APBA1: variants seen among roughly 807,000 people sequenced by gnomAD.
APBA1 encodes the protein amyloid beta precursor protein binding family A member 1.
In APBA1, 55 loss-of-function variants were observed where a neutral mutation model predicts 86.6. The ratio of observed to expected loss-of-function variants is 0.64; its 90% confidence interval spans 0.51 to 0.80. APBA1 has a LOEUF of 0.80. APBA1 is among the 30% of genes least tolerant of loss of function. The pLI, the probability that APBA1 is intolerant of heterozygous loss-of-function variation, is 0.00. For missense variants in APBA1, 1,090 were observed against 1,183.0 expected (o/e 0.92, Z 1.15); for synonymous variants, 511 against 493.9 (o/e 1.03, Z -0.46).
At chr9:69,648,594 C>T (rs1333204519) in intron 1 of APBA1, among the ~76,000 whole-genome samples, 1 of 152,084 alleles carries the variant, frequency 6.6e-6, no homozygotes, top group Non-Finnish European at 1.5e-5. Flanking sequence ...GAGCACAGAC[C>T]ACCCAGCTAT....
rs559303909 is a variant in APBA1 at position 69,658,332 on chromosome 9, T to C, written c.-70+13821A>G. Among the ~76,000 whole-genome samples the C allele has an allele frequency of 1.2e-3, 168 of 137,050 alleles. 1 individual carries two copies. The highest frequency in any genetic ancestry group is 3.4e-3 in the African/African-American group (129 of 37,920). 89.9% of individuals were successfully genotyped at this position (137,050 alleles called of 152,430 possible). A position where few individuals can be genotyped will look rare whatever the true frequency, so the allele number is the denominator to read the frequency against. ...TTTCTTTCTTTCTTTCTTTCTTTCT[T>C]TCTTTCTTTCTTTCTTTCTTTCTTT... On this transcript the variant is annotated intron_variant, in intron 1 of 12. Coordinates refer to ENST00000265381, the MANE Select transcript of APBA1 (RefSeq NM_001163.4).
chr9:69,555,012 G>A (rs754862754), intron 1 of APBA1, among the ~76,000 whole-genome samples: 4 of 152,114 alleles, frequency 2.6e-5, no homozygotes, highest in East Asian at 1.9e-4. Flanking sequence ...CCTACGTCCC[G>A]CACGTGTTCT....
At chr9:69,651,214 A>G (rs1261123567) in intron 1 of APBA1, among the ~76,000 whole-genome samples, 1 of 152,196 alleles carries the variant, frequency 6.6e-6, no homozygotes, top group Non-Finnish European at 1.5e-5. Flanking sequence ...ATCATCAAAA[A>G]TGATCAATAA....
intron 1 of APBA1, among the ~76,000 whole-genome samples, chr9:69,535,128 AG>A (rs1452854616): frequency 1.3e-5 from 2 of 152,122 alleles, no homozygotes; most frequent in East Asian, 3.9e-4. Flanking sequence ...CTTTTTTCAT[AG>A]GTTGATTTGA....
intron 1 of APBA1, among the ~76,000 whole-genome samples, chr9:69,521,001 G>A (rs1048518122): frequency 3.9e-5 from 6 of 152,194 alleles, no homozygotes; most frequent in African/African-American, 1.4e-4. Flanking sequence ...CTAGGGCACA[G>A]TATAAATGCT....
At chr9:69,469,887 G>T (rs1245019422) in intron 4 of APBA1, among the ~76,000 whole-genome samples, 1 of 152,158 alleles carries the variant, frequency 6.6e-6, no homozygotes, top group Non-Finnish European at 1.5e-5. Context: ...ACTTTTAAAA[G>T]TCTTCCATCT....
chr9:69,512,762 T>G (rs7031105), intron 2 of APBA1, among the ~76,000 whole-genome samples: 1 of 151,938 alleles, frequency 6.6e-6, no homozygotes, highest in Admixed American at 6.5e-5. Flanking sequence ...TAAAATAAAA[T>G]GAAACAACCA....
intron 1 of APBA1, among the ~76,000 whole-genome samples, chr9:69,564,441 A>G (rs1467267159): frequency 6.6e-6 from 1 of 152,216 alleles, no homozygotes; most frequent in Non-Finnish European, 1.5e-5. Context: ...GCATTTCAAT[A>G]AGGTAGGCTG....
intron 1 of APBA1, among the ~76,000 whole-genome samples, chr9:69,628,394 T>C (rs965779125): frequency 9.8e-5 from 15 of 152,302 alleles, no homozygotes; most frequent in African/African-American, 3.1e-4. Context: ...TGATGTGTTA[T>C]GCAGAAATAG....
chr9:69,439,655 T>C (rs1834772647), intron 11 of APBA1, among the ~76,000 whole-genome samples: 1 of 152,256 alleles, frequency 6.6e-6, no homozygotes, highest in Non-Finnish European at 1.5e-5. Flanking sequence ...AGGACTTCTC[T>C]GCATTGGTTA....
At chr9:69,497,745 C>A (rs941617230) in intron 2 of APBA1, among the ~76,000 whole-genome samples, 3 of 152,106 alleles carry the variant, frequency 2.0e-5, no homozygotes, top group Admixed American at 2.0e-4. Context: ...TCTGACATAG[C>A]CCCCTGCACC....
rs551619552 is a variant in APBA1 at position 69,482,639 on chromosome 9, C to G, written c.1201-6496G>C. ...CATTACTGGGTATATACCCAAAGGA[C>G]TATAAATCATGCTGCTATAAAGACA... On this transcript the variant is annotated intron_variant, in intron 2 of 12. Transcript: ENST00000265381. Among the ~76,000 whole-genome samples, 20 of 151,442 alleles carry G rather than the reference C, an allele frequency of 1.3e-4. 1 individual carries two copies. The highest frequency in any genetic ancestry group is 4.6e-4 in the African/African-American group (19 of 41,262).
intron 10 of APBA1, among the ~76,000 whole-genome samples, chr9:69,442,447 C>A (rs1025135339): frequency 1.3e-5 from 2 of 151,988 alleles, no homozygotes; most frequent in Non-Finnish European, 2.9e-5. Context: ...CCCAGGCCCA[C>A]TACTCCAAAG....
At chr9:69,495,882 C>T (rs1208498413) in intron 2 of APBA1, among the ~76,000 whole-genome samples, 3 of 152,028 alleles carry the variant, frequency 2.0e-5, no homozygotes, top group African/African-American at 4.8e-5. Context: ...CAGCTAGGGG[C>T]CGCACCTCTA....
At chr9:69,588,867 A>G (rs1822073053) in intron 1 of APBA1, among the ~76,000 whole-genome samples, 1 of 152,220 alleles carries the variant, frequency 6.6e-6, no homozygotes, top group South Asian at 2.1e-4. Context: ...CAAGGCTACT[A>G]AGTAAATAAG....
At chr9:69,615,832 A>G (rs1196391991) in intron 1 of APBA1, among the ~76,000 whole-genome samples, 1 of 152,214 alleles carries the variant, frequency 6.6e-6, no homozygotes, top group African/African-American at 2.4e-5. Flanking sequence ...AGCTGAAACT[A>G]AATAAATTTT....
intron 1 of APBA1, among the ~76,000 whole-genome samples, chr9:69,616,582 A>G (rs1822704895): frequency 6.6e-6 from 1 of 152,232 alleles, no homozygotes; most frequent in African/African-American, 2.4e-5. Flanking sequence ...CTTTGAAATG[A>G]GAGCTAATGC....
chr9:69,577,322 T>C (rs1431007819), intron 1 of APBA1, among the ~76,000 whole-genome samples: 1 of 152,130 alleles, frequency 6.6e-6, no homozygotes, highest in Non-Finnish European at 1.5e-5. Flanking sequence ...ACAGGGTGCA[T>C]AGACATGGCA....
chr9:69,575,311 C>G (rs1461108312), intron 1 of APBA1, among the ~76,000 whole-genome samples: 4 of 152,150 alleles, frequency 2.6e-5, no homozygotes, highest in Non-Finnish European at 5.9e-5. Context: ...AATGCCATCC[C>G]CATCAAGCTA....
Sources: allele counts gnomAD v4.1 joint callset (sites outside exome capture counted in the v4.1 genomes callset), GRCh38; gene constraint gnomAD v4.1.1; transcripts MANE v1.5; gene names NCBI Gene and HGNC (gene_info 2026-07-23, HGNC 2026-07-21).